Variants in PLAC1 observed in about 807,000 individuals in gnomAD.
PLAC1 encodes the protein placenta-specific protein 1.
For synonymous variants in PLAC1, 68 were observed against 62.1 expected (o/e 1.09, Z -0.44); for missense variants, 136 against 163.2 (o/e 0.83, Z 0.91).
At chrX:134,567,776 G>A (rs2077884627) in intron 2 of PLAC1, among the ~76,000 whole-genome samples, 1 of 92,493 alleles carries the variant, frequency 1.1e-5, no homozygotes, top group South Asian at 7.1e-4. Context: ...AAAAAAAAAG[G>A]GAAGAAAGAA....
intron 2 of PLAC1, among the ~76,000 whole-genome samples, chrX:134,595,785 A>G (rs1259276436): frequency 9.1e-6 from 1 of 109,676 alleles, no homozygotes; most frequent in Non-Finnish European, 1.9e-5. Context: ...TGTAGAGTAC[A>G]TACTGTCGGG....
chrX:134,611,016 T>C (rs1213898123), intron 1 of PLAC1, among the ~76,000 whole-genome samples: 1 of 109,692 alleles, frequency 9.1e-6, no homozygotes, highest in East Asian at 2.9e-4. Context: ...GCTTATAGGA[T>C]TATAGGTATG....
intron 2 of PLAC1, among the ~76,000 whole-genome samples, chrX:134,572,261 A>G (rs911648551): frequency 8.9e-6 from 1 of 112,057 alleles, no homozygotes; most frequent in Non-Finnish European, 1.9e-5. Context: ...AACTATCTCA[A>G]GGTTTGAGAG....
At chrX:134,736,485 C>A (rs894942119) in intron 1 of PLAC1, among the ~76,000 whole-genome samples, 1 of 109,986 alleles carries the variant, frequency 9.1e-6, no homozygotes, top group Admixed American at 9.7e-5. Context: ...CCCACCGCCC[C>A]GACTCCTGCT....
At chrX:134,693,580 C>T (rs1034972573) in intron 2 of PLAC1, among the ~76,000 whole-genome samples, 1 of 111,657 alleles carries the variant, frequency 9.0e-6, no homozygotes, top group African/African-American at 3.3e-5. Context: ...TGGTGAAGCT[C>T]GCCTTCGCAT....
intron 2 of PLAC1, among the ~76,000 whole-genome samples, chrX:134,567,014 C>T (rs967506728): frequency 1.8e-5 from 2 of 112,132 alleles, no homozygotes; most frequent in Admixed American, 1.9e-4. Flanking sequence ...GAGTGGCATC[C>T]TTTTGTGTTT....
intron 2 of PLAC1, among the ~76,000 whole-genome samples, chrX:134,586,683 T>C (rs752395568): frequency 4.8e-4 from 48 of 100,733 alleles, no homozygotes; most frequent in African/African-American, 1.7e-3. Flanking sequence ...TTTTTTTTTT[T>C]TTTTTGAGAT....
At chrX:134,574,498 A>G (rs112771034) in intron 2 of PLAC1, among the ~76,000 whole-genome samples, 49 of 111,608 alleles carry the variant, frequency 4.4e-4, no homozygotes, top group African/African-American at 1.5e-3. Flanking sequence ...ACAGAGTCCT[A>G]ACAAGCGTCC....
chrX:134,714,505 T>C (rs181817985), intron 2 of PLAC1, among the ~76,000 whole-genome samples: 224 of 111,277 alleles, frequency 2.0e-3, no homozygotes, highest in African/African-American at 6.8e-3. Flanking sequence ...ATTTAACGTT[T>C]ACCATTTTAA....
At chrX:134,652,337 G>A (rs1381941389) in intron 1 of PLAC1, among the ~76,000 whole-genome samples, 1 of 111,698 alleles carries the variant, frequency 9.0e-6, no homozygotes, top group Non-Finnish European at 1.9e-5. Flanking sequence ...TGGTCTTCAC[G>A]GACATTTTGG....
intron 2 of PLAC1, among the ~76,000 whole-genome samples, chrX:134,570,191 T>C (rs1249859989): frequency 9.0e-6 from 1 of 111,431 alleles, no homozygotes; most frequent in African/African-American, 3.3e-5. Flanking sequence ...CAGCTGACTT[T>C]TCTAACACCT....
intron 1 of PLAC1, among the ~76,000 whole-genome samples, chrX:134,746,289 C>T (rs182556929): frequency 4.5e-5 from 5 of 112,014 alleles, no homozygotes; most frequent in East Asian, 2.8e-4. Flanking sequence ...CTGACCTCTG[C>T]TTTGTCTCGC....
chrX:134,699,753 A>G (rs1036484705), intron 2 of PLAC1, among the ~76,000 whole-genome samples: 6 of 112,199 alleles, frequency 5.3e-5, no homozygotes, highest in Non-Finnish European at 1.1e-4. Flanking sequence ...AGCCAACGTT[A>G]TCTTTTAAAA....
At chrX:134,615,082 G>A (rs1379831994) in intron 1 of PLAC1, among the ~76,000 whole-genome samples, 1 of 112,040 alleles carries the variant, frequency 8.9e-6, no homozygotes, top group Non-Finnish European at 1.9e-5. Flanking sequence ...TTTCCTTTGG[G>A]TATATATCCA....
At chrX:134,717,858 A>G (rs1382612217) in intron 2 of PLAC1, among the ~76,000 whole-genome samples, 1 of 111,966 alleles carries the variant, frequency 8.9e-6, no homozygotes, top group Admixed American at 9.5e-5. Context: ...GTCAAATGTC[A>G]CACACTCTAT....
chrX:134,619,418 C>T (rs193160053), intron 1 of PLAC1, among the ~76,000 whole-genome samples: 58 of 110,944 alleles, frequency 5.2e-4, no homozygotes, highest in African/African-American at 1.6e-3. Flanking sequence ...TTTGGGAGGG[C>T]GAGGTGAGCA....
rs145389077 is a variant in PLAC1 at position 134,642,791 on chromosome X, C to T, written c.-131+15537G>A. 3.2e-4 allele frequency among the ~76,000 whole-genome samples: 36 copies of T among 111,331 alleles called. No homozygotes were observed. In the East Asian group the frequency reaches 9.9e-3, roughly 30 times the overall value. ...ATCAAAAATGAAATGTTGATCAATA[C>T]AAGCAAAAGCCAGCTCTTTGGGAAG... On this transcript the variant is annotated intron_variant, in intron 1 of 2. Transcript: ENST00000359237.
At chrX:134,734,756 C>T (rs1004093843) in intron 1 of PLAC1, among the ~76,000 whole-genome samples, 5 of 111,258 alleles carry the variant, frequency 4.5e-5, no homozygotes, top group African/African-American at 1.3e-4. Context: ...GGGTGGGGAA[C>T]CTCTGGCCCA....
chrX:134,612,499 C>A (rs1421903150), intron 1 of PLAC1, among the ~76,000 whole-genome samples: 2 of 112,136 alleles, frequency 1.8e-5, no homozygotes, highest in Non-Finnish European at 3.8e-5. Context: ...AACAGGATTT[C>A]TCCACCCCTA....
Sources: allele counts gnomAD v4.1 joint callset (sites outside exome capture counted in the v4.1 genomes callset), GRCh38; gene constraint gnomAD v4.1.1; transcripts MANE v1.5; gene names NCBI Gene and HGNC (gene_info 2026-07-23, HGNC 2026-07-21).